Variants in CRYBG3 observed in about 807,000 individuals in gnomAD.
CRYBG3 encodes crystallin beta-gamma domain containing 3.
Under a neutral mutation model 244.2 loss-of-function variants are expected in CRYBG3, and 127 were observed. The observed-to-expected ratio is 0.52, with a 90% confidence interval of 0.45 to 0.60. The LOEUF is 0.60. CRYBG3 is among the 20% of genes least tolerant of loss of function. The probability of loss-of-function intolerance (pLI) is 0.00; values close to 1 mark genes in which losing one functional copy is unlikely to be tolerated. For missense variants in CRYBG3, 3,325 were observed against 3,442.5 expected (o/e 0.97, Z 0.85); for synonymous variants, 1,132 against 1,195.8 (o/e 0.95, Z 1.10).
Position 97,869,111 on chromosome 3 carries a change from A to G in CRYBG3, c.648-2731A>G, listed in dbSNP as rs973105348. Among the ~76,000 whole-genome samples, 6 of 151,854 alleles carry G rather than the reference A, an allele frequency of 4.0e-5. No homozygotes were observed. In the South Asian group the frequency reaches 6.2e-4, roughly 16 times the overall value. On this transcript the variant is annotated intron_variant, in intron 3 of 21. Coordinates refer to ENST00000389622, the MANE Select transcript of CRYBG3 (RefSeq NM_153605.4). ...CTTACATATTTTGATATGGCGTTTT[A>G]CCAATAGCATTCATTTACCTATTTT...
intron 11 of CRYBG3, 104 bp downstream of exon 11, chr3:97,893,097 A>G (rs553598644): frequency 8.1e-5 from 80 of 991,496 alleles, no homozygotes; most frequent in Admixed American, 1.3e-4. Context: ...ATCTAAAAAT[A>G]TACATTCCTT....
chr3:97,872,872 G>C lies in CRYBG3; in HGVS notation c.1678G>C (p.Asp560His), dbSNP rs953585689. ...AATTGAGTCATTACCCAAAGATACT[G>C]ACCAATACTTTGAAACCAAAGCCAA... The part of the protein sequence containing the change: ...DKIESLPKDT[D>H]QYFETKAKKL... The change falls in exon 4 of 22, where the codon GAC (aspartate) becomes CAC (histidine). Residue 560 changes from aspartate to histidine, a missense_variant. Around this residue, in one of 4 missense-constraint regions of CRYBG3, gnomAD observed 1,526 missense variants for 1,443.2 expected, o/e 1.06. Coordinates refer to ENST00000389622, the MANE Select transcript of CRYBG3 (RefSeq NM_153605.4). 4.6e-6 allele frequency: 7 copies of C among 1,533,858 alleles called. No individual in the cohort carries two copies. The African/African-American group carries it at 9.6e-5, about 21-fold the overall frequency.
intron 17 of CRYBG3, among the ~76,000 whole-genome samples, chr3:97,926,545 G>A (rs78938808): frequency 0.013 from 2,043 of 151,974 alleles, 46 homozygotes; most frequent in African/African-American, 0.047. Context: ...CTGCTGTTCA[G>A]TATAGCACTG....
In CRYBG3 at chr3:97,833,720, A is replaced by G. The variant is rs144371634; in HGVS notation, c.150-9475A>G. Among the ~76,000 whole-genome samples the G allele has an allele frequency of 5.9e-5, 9 of 152,292 alleles. 1 individual carries two copies. The highest frequency in any genetic ancestry group is 2.2e-4 in the African/African-American group (9 of 41,572). On this transcript the variant is annotated intron_variant, in intron 1 of 21. Coordinates refer to ENST00000389622, the MANE Select transcript of CRYBG3 (RefSeq NM_153605.4). Reference sequence around the variant, plus strand: ...TATCCCAGAACTTCAAAGTATAATAATAAAAAAAATTGCTAAAAGATTACA... The same window carrying G: ...TATCCCAGAACTTCAAAGTATAATAGTAAAAAAAATTGCTAAAAGATTACA...
chr3:97,900,359 GA>G (rs1267447961), intron 14 of CRYBG3, 93 bp from the exon 15 acceptor site: 32 of 786,884 alleles, frequency 4.1e-5, no homozygotes, highest in East Asian at 5.4e-5. Flanking sequence ...AAAAAGAAAA[GA>G]AAAAAAAATT....
At position 97,864,470 on chromosome 3, in the gene CRYBG3, A is replaced by G; in HGVS notation, c.470A>G (p.Gln157Arg). ...CAGGATAAAACTGAGAAGGATTTAC[A>G]AAATCCCAGTGACCATCATGAAGAC... Reference protein sequence around the residue: ...DDQDKTEKDLQNPSDHHEDGI... With the variant: ...DDQDKTEKDLRNPSDHHEDGI... The change falls in exon 3 of 22, where the codon CAA becomes CGA. Residue 157 changes from glutamine (Q) to arginine (R), a missense_variant. Physicochemically the swap from Gln to Arg is conservative, Grantham distance 43. Coordinates refer to ENST00000389622, the MANE Select transcript of CRYBG3 (RefSeq NM_153605.4). 1 of 1,536,020 alleles carries G rather than the reference A, an allele frequency of 6.5e-7. No homozygotes were observed. The highest frequency in any genetic ancestry group is 8.7e-7 in the Non-Finnish European group (1 of 1,146,810).
At chr3:97,859,200 G>T (rs1239146575) in intron 2 of CRYBG3, among the ~76,000 whole-genome samples, 1 of 152,118 alleles carries the variant, frequency 6.6e-6, no homozygotes, top group Non-Finnish European at 1.5e-5. Context: ...TTTCTGAGTG[G>T]TGTGTGTATG....
intron 17 of CRYBG3, among the ~76,000 whole-genome samples, chr3:97,917,870 C>T (rs1054194146): frequency 1.3e-5 from 2 of 152,162 alleles, no homozygotes; most frequent in African/African-American, 4.8e-5. Flanking sequence ...CAGTTGCTCA[C>T]ACCCTCCAGA....
chr3:97,906,012 C>T (rs1191535632), intron 15 of CRYBG3, among the ~76,000 whole-genome samples: 1 of 144,140 alleles, frequency 6.9e-6, no homozygotes, highest in Non-Finnish European at 1.5e-5. Context: ...ATCCTTTCCC[C>T]ATTGCTTGTT....
Position 97,876,479 on chromosome 3 carries a change from T to C in CRYBG3, c.5285T>C (p.Val1762Ala). Residue 1762 changes from valine (V) to alanine (A), a missense_variant, in exon 4 of 22, where the codon GTA becomes GCA. Physicochemically the swap from Val to Ala is moderately conservative, Grantham distance 64 (BLOSUM62 0). Transcript: ENST00000389622. ...GAGGTGATGCCCCTTGCATTAGAGGTAGTAAATACTTACCAAAAAAATGCC... is the reference window on the plus strand; with the variant it reads ...GAGGTGATGCCCCTTGCATTAGAGGCAGTAAATACTTACCAAAAAAATGCC... ...KTEVMPLALE[V>A]VNTYQKNAKG... 8.1e-7 allele frequency: 1 copy of C among 1,231,912 alleles called. No individual in the cohort carries two copies. 76.3% of individuals were successfully genotyped at this position (1,231,912 alleles called of 1,614,324 possible).
Position 97,888,452 on chromosome 3 carries a change from A to C in CRYBG3, c.7401A>C (p.Gln2467His). Residue 2467 changes from glutamine (Q) to histidine (H), a missense_variant, in exon 9 of 22, where the codon CAA (glutamine) becomes CAC (histidine). Transcript: ENST00000389622. ...TAEMKSLHPLQMGGLKVEMPM... is the reference protein window; with the variant it reads ...TAEMKSLHPLHMGGLKVEMPM... ...AAATGAAATCATTACATCCGCTTCA[A>C]ATGGTAAGCAAATTTAAAAAGAAGC... 1 of 1,569,220 alleles carries C rather than the reference A, an allele frequency of 6.4e-7. No individual in the cohort carries two copies.
chr3:97,827,101 T>C (rs147872437), intron 1 of CRYBG3, among the ~76,000 whole-genome samples: 1 of 152,206 alleles, frequency 6.6e-6, no homozygotes. Context: ...TCCTTGACCC[T>C]TCAGGCTTTG....
rs2039193329 is a variant in CRYBG3 at position 97,864,311 on chromosome 3, C to G, written c.311C>G (p.Ser104Cys). ...AAAAAGGCATATGATCTTTCCAGTT[C>G]CACTTCAGATACCAAAATAGGAGAA... is the stretch of plus-strand genomic sequence containing the variant. ...DPKKAYDLSS[S>C]TSDTKIGESD... Residue 104 changes from serine (S) to cysteine (C), a missense_variant, in exon 3 of 22, where the codon TCC (serine) becomes TGC (cysteine). Physicochemically the swap from Ser to Cys is moderately radical, Grantham distance 112. Around this residue, in one of 4 missense-constraint regions of CRYBG3, gnomAD observed 1,526 missense variants for 1,443.2 expected, o/e 1.06. Coordinates refer to ENST00000389622, the MANE Select transcript of CRYBG3 (RefSeq NM_153605.4). The G allele has an allele frequency of 1.2e-5, 19 of 1,535,790 alleles. No individual in the cohort carries two copies. The highest frequency in any genetic ancestry group is 1.7e-5 in the Non-Finnish European group (19 of 1,146,702).
At position 97,877,773 on chromosome 3, in the gene CRYBG3, T is replaced by C; in HGVS notation, c.6579T>C (p.Ser2193=). 1.9e-6 allele frequency: 3 copies of C among 1,614,128 alleles called. No individual in the cohort carries two copies. The highest frequency in any genetic ancestry group is 2.5e-6 in the Non-Finnish European group (3 of 1,180,014). ...ATGACCAGGAGAGCGTTGGAATTTC[T>C]AAGAATTCATATGTGATGCCAAATG... The part of the protein sequence containing the change: ...YPDDQESVGI[S]KNSYVMPNEP... The change falls in exon 4 of 22, where the codon TCT becomes TCC. Residue 2193 remains serine, a synonymous_variant. Coordinates refer to ENST00000389622, the MANE Select transcript of CRYBG3 (RefSeq NM_153605.4).
At chr3:97,864,725 T>A in intron 3 of CRYBG3, 78 bp downstream of exon 3, 2 of 963,074 alleles carry the variant, frequency 2.1e-6, no homozygotes, top group Non-Finnish European at 1.5e-6. Context: ...TTAATCCTAG[T>A]AATTGGTGGG....
intron 1 of CRYBG3, among the ~76,000 whole-genome samples, chr3:97,841,277 C>T (rs1158958779): frequency 7.1e-6 from 1 of 141,050 alleles, no homozygotes; most frequent in African/African-American, 3.0e-5. Context: ...CATATATGTA[C>T]ATATAGGTGC....
At position 97,872,301 on chromosome 3, in the gene CRYBG3, A is replaced by G. The variant is rs1181902844; in HGVS notation, c.1107A>G (p.Glu369=). Residue 369 remains glutamate (E), a synonymous_variant, in exon 4 of 22, where the codon GAA becomes GAG. Coordinates refer to ENST00000389622, the MANE Select transcript of CRYBG3 (RefSeq NM_153605.4). ...ACTCACAGCACCATTTAAGTTGTGA[A>G]CCGGTTTCTCAGACTAACAGAAATT... The part of the protein sequence containing the change: ...ESDSQHHLSC[E]PVSQTNRNLV... 2.0e-6 allele frequency: 3 copies of G among 1,535,916 alleles called. No homozygotes were observed. Among genetic ancestry groups the G allele is most frequent in the Non-Finnish European group, 2.6e-6 (3 of 1,146,740 alleles).
Position 97,864,523 on chromosome 3 carries a change from A to C in CRYBG3, c.523A>C (p.Ser175Arg). 1 of 1,535,992 alleles carries C rather than the reference A, an allele frequency of 6.5e-7. No individual in the cohort carries two copies. The highest frequency in any genetic ancestry group is 1.2e-5 in the South Asian group (1 of 84,058). Reference protein sequence around the residue: ...DGIKREREIFSGSLRTQTHPT... With the variant: ...DGIKREREIFRGSLRTQTHPT... ...GATCAAAAGGGAGAGAGAGATTTTCAGTGGCTCCCTAAGAACCCAGACACA... is the reference window on the plus strand; with the variant it reads ...GATCAAAAGGGAGAGAGAGATTTTCCGTGGCTCCCTAAGAACCCAGACACA... Residue 175 changes from serine to arginine, a missense_variant, in exon 3 of 22, where the codon AGT becomes CGT. Around this residue, in one of 4 missense-constraint regions of CRYBG3, gnomAD observed 1,526 missense variants for 1,443.2 expected, o/e 1.06. Coordinates refer to ENST00000389622, the MANE Select transcript of CRYBG3 (RefSeq NM_153605.4).
intron 15 of CRYBG3, among the ~76,000 whole-genome samples, chr3:97,907,796 A>T (rs1429119900): frequency 6.6e-6 from 1 of 151,044 alleles, no homozygotes; most frequent in Non-Finnish European, 1.5e-5. Flanking sequence ...TAGCTTTTGA[A>T]TGTGTTTGCT....
Sources: allele counts gnomAD v4.1 joint callset (sites outside exome capture counted in the v4.1 genomes callset), GRCh38; gene constraint gnomAD v4.1.1; regional missense constraint gnomAD v4.1.1; transcripts MANE v1.5; gene names NCBI Gene and HGNC (gene_info 2026-07-23, HGNC 2026-07-21).